The following LATS2 variants were observed in gnomAD, a reference collection of about 807,000 sequenced individuals.
LATS2 encodes large tumor suppressor kinase 2.
LATS2 carries 24 observed loss-of-function variants against 76.0 expected under a neutral mutation model. The ratio of observed to expected loss-of-function variants is 0.32; its 90% CI spans 0.23 to 0.44. The LOEUF (loss-of-function observed/expected upper bound fraction) is 0.44, where lower values mean the gene tolerates loss of function less well. Ranked by LOEUF, LATS2 falls within the 20% of genes least tolerant of loss-of-function variation. The probability of loss-of-function intolerance (pLI) is 1.00; values close to 1 mark genes in which losing one functional copy is unlikely to be tolerated. For missense variants in LATS2, 1,286 were observed against 1,481.2 expected (o/e 0.87, Z 2.16); for synonymous variants, 692 against 635.4 (o/e 1.09, Z -1.34).
chr13:21,060,533 G>A (rs1440862280), intron 1 of LATS2, among the ~76,000 whole-genome samples: 1 of 152,146 alleles, frequency 6.6e-6, no homozygotes, highest in Non-Finnish European at 1.5e-5. Flanking sequence ...ACGCCGAGCA[G>A]GGCCTGGCCG....
intron 1 of LATS2, among the ~76,000 whole-genome samples, chr13:21,060,031 A>G (rs1595263068): frequency 6.6e-6 from 1 of 152,070 alleles, no homozygotes; most frequent in Non-Finnish European, 1.5e-5. Flanking sequence ...CTCGCAAAAT[A>G]GCATTTCTCA....
Position 20,986,742 on chromosome 13 carries a change from A to C in LATS2, c.1899+1139T>G, listed in dbSNP as rs752928808. On this transcript the variant is annotated intron_variant, in intron 4 of 7. Coordinates refer to ENST00000382592, the MANE Select transcript of LATS2 (RefSeq NM_014572.3). ...AGTAAAAATGTATTCAATATTTCAA[A>C]ATAGCTAGAAGAGAGGTCTTGAAAT... is the stretch of plus-strand genomic sequence containing the variant. 5.3e-5 allele frequency among the ~76,000 whole-genome samples: 8 copies of C among 152,208 alleles called. 1 individual carries two copies. Among genetic ancestry groups the C allele is most frequent in the African/African-American group, 9.7e-5 (4 of 41,438 alleles).
intron 5 of LATS2, among the ~76,000 whole-genome samples, chr13:20,982,469 C>A (rs1869935774): frequency 6.6e-6 from 1 of 152,174 alleles, no homozygotes. Flanking sequence ...CATCACCACG[C>A]CCGGCTAATT....
intron 3 of LATS2, among the ~76,000 whole-genome samples, chr13:20,989,948 A>C (rs1388342327): frequency 6.6e-6 from 1 of 152,210 alleles, no homozygotes; most frequent in Non-Finnish European, 1.5e-5. Context: ...TGTACATCTC[A>C]TCTGAAACAG....
At chr13:21,060,807 G>A (rs1427185180) in intron 1 of LATS2, among the ~76,000 whole-genome samples, 1 of 151,354 alleles carries the variant, frequency 6.6e-6, no homozygotes, top group Admixed American at 6.6e-5. Context: ...GGACGATGGC[G>A]CGGCCGGGAG....
In LATS2 at chr13:20,989,251, C is replaced by G. The variant is rs745776774; in HGVS notation, c.529G>C (p.Gly177Arg). The change falls in exon 4 of 8, where the codon GGC becomes CGC. Residue 177 changes from glycine (G) to arginine (R), a missense_variant. Coordinates refer to ENST00000382592, the MANE Select transcript of LATS2 (RefSeq NM_014572.3). The stretch of plus-strand genomic sequence containing the variant: ...TGGTGGTAGGACGCAAACGAATCGC[C>G]GGTTCCTTCGAAGCTGGGCCTCCGC... ...VTRRPSFEGT[G>R]DSFASYHQLS... 7 of 1,613,898 alleles carry G rather than the reference C, an allele frequency of 4.3e-6. No homozygotes were observed. Among genetic ancestry groups the G allele is most frequent in the Non-Finnish European group, 5.9e-6 (7 of 1,180,036 alleles).
At chr13:21,056,000 C>A (rs1873436126) in intron 1 of LATS2, among the ~76,000 whole-genome samples, 1 of 152,180 alleles carries the variant, frequency 6.6e-6, no homozygotes, top group Non-Finnish European at 1.5e-5. Context: ...CTCTGGGGAT[C>A]CAGGAAAACA....
chr13:21,045,870 C>T lies in LATS2; in HGVS notation c.157G>A (p.Gly53Arg). 1 of 1,614,180 alleles carries T rather than the reference C, an allele frequency of 6.2e-7. No homozygotes were observed. The highest frequency in any genetic ancestry group is 8.5e-7 in the Non-Finnish European group (1 of 1,180,044). ...SDTSLDAKVL[G>R]SKDATRQQQQ... ...TGCTGCCTGGTGGCATCTTTGCTCC[C>T]CAGGACTTTGGCATCCAGGGAAGTG... is the stretch of plus-strand genomic sequence containing the variant. Residue 53 changes from glycine to arginine, a missense_variant, in exon 2 of 8, where the codon GGG becomes AGG. By Grantham distance (125) the Gly-to-Arg change is moderately radical. Transcript: ENST00000382592.
intron 3 of LATS2, among the ~76,000 whole-genome samples, 181 bp from the exon 4 acceptor site, chr13:20,989,485 G>A (rs1278818730): frequency 1.3e-5 from 2 of 152,164 alleles, no homozygotes; most frequent in Non-Finnish European, 2.9e-5. Context: ...CTGCCAGCAG[G>A]ACCAGTTGCC....
At chr13:21,060,010 T>C (rs1873575663) in intron 1 of LATS2, among the ~76,000 whole-genome samples, 1 of 152,204 alleles carries the variant, frequency 6.6e-6, no homozygotes, top group Admixed American at 6.5e-5. Context: ...TTAAGTTCTT[T>C]CATGGTGATC....
intron 7 of LATS2, among the ~76,000 whole-genome samples, chr13:20,975,887 T>C (rs1310162385): frequency 6.6e-6 from 1 of 152,210 alleles, no homozygotes; most frequent in African/African-American, 2.4e-5. Flanking sequence ...TTTCACCACG[T>C]TGGCCAGGCT....
At chr13:20,996,598 C>T (rs373133372) in intron 2 of LATS2, among the ~76,000 whole-genome samples, 136 of 152,194 alleles carry the variant, frequency 8.9e-4, no homozygotes, top group African/African-American at 2.9e-3. Flanking sequence ...CCAGGCTGGT[C>T]TCGAACTCCT....
rs1236115523 is a variant in LATS2 at position 21,007,579 on chromosome 13, A to AGTG, written c.343-16176_343-16175insCAC. On this transcript the variant is annotated intron_variant, in intron 2 of 7. Transcript: ENST00000382592. ...TATATATATATATATATATATATAT[A>AGTG]TATATATAGTATATATATATATAGT... is the stretch of plus-strand genomic sequence containing the variant. 1.7e-4 allele frequency among the ~76,000 whole-genome samples: 4 copies of AGTG among 23,046 alleles called. 2 individuals are homozygous for AGTG. Among genetic ancestry groups the AGTG allele is most frequent in the African/African-American group, 1.3e-3 (4 of 3,050 alleles). 15.1% of individuals were successfully genotyped at this position (23,046 alleles called of 152,430 possible). A position where few individuals can be genotyped will look rare whatever the true frequency, so the allele number is the denominator to read the frequency against.
chr13:21,056,989 G>A (rs992433093), intron 1 of LATS2, among the ~76,000 whole-genome samples: 1 of 152,084 alleles, frequency 6.6e-6, no homozygotes. Context: ...GTGTCGTCCG[G>A]GTACATTTAA....
At chr13:21,011,686 G>A (rs187702478) in intron 2 of LATS2, among the ~76,000 whole-genome samples, 8 of 152,324 alleles carry the variant, frequency 5.3e-5, no homozygotes, top group Non-Finnish European at 1.0e-4. Flanking sequence ...CCAGCTGGCT[G>A]TTGTAGACTT....
chr13:20,997,794 C>CT (rs1870824468), intron 2 of LATS2, among the ~76,000 whole-genome samples: 1 of 152,178 alleles, frequency 6.6e-6, no homozygotes, highest in Non-Finnish European at 1.5e-5. Context: ...CTTGCAATGT[C>CT]TAAGCAGCAG....
chr13:21,002,313 G>A (rs531162123), intron 2 of LATS2, among the ~76,000 whole-genome samples: 2 of 151,960 alleles, frequency 1.3e-5, no homozygotes, highest in East Asian at 3.9e-4. Flanking sequence ...TTTGCTGTCT[G>A]CTATGTATAA....
Position 20,983,804 on chromosome 13 carries a change from A to G in LATS2, c.1902T>C (p.Ala634=), listed in dbSNP as rs747694955. ...RLQLEQEMAK[A]GLCEAEQEQM... ...GCTCCTGCTCAGCTTCACAGAGTCC[A>G]GCCTGTGTAGAAGGAAAAGGAAGGA... Residue 634 remains alanine (A), a splice_region_variant and synonymous_variant, in exon 5 of 8, where the codon GCT becomes GCC. Transcript: ENST00000382592. 2 of 1,608,116 alleles carry G rather than the reference A, an allele frequency of 1.2e-6. No homozygotes were observed. The highest frequency in any genetic ancestry group is 1.7e-6 in the Non-Finnish European group (2 of 1,178,020).
Position 20,974,814 on chromosome 13 carries a change from C to G in LATS2, c.*56G>C, listed in dbSNP as rs567879730. 5.2e-6 allele frequency: 8 copies of G among 1,537,196 alleles called. No homozygotes were observed. The highest frequency in any genetic ancestry group is 7.0e-6 in the Non-Finnish European group (8 of 1,145,008). On this transcript the variant is annotated 3_prime_UTR_variant, in exon 8 of 8. Coordinates refer to ENST00000382592, the MANE Select transcript of LATS2 (RefSeq NM_014572.3). ...CTTCCCTATTGGCCTGTGAGGGCAC[C>G]GGCTCCGGGACCCTGACCTGGGAGG...
Sources: gnomAD v4.1 joint callset for allele counts (sites outside exome capture counted in the v4.1 genomes callset) on GRCh38, gnomAD v4.1.1 for gene constraint, MANE v1.5 for transcripts, NCBI Gene and HGNC (gene_info 2026-07-23, HGNC 2026-07-21) for gene names.